Variants in TENM3 observed in about 807,000 individuals in gnomAD.
The protein encoded by TENM3 is teneurin-3.
Under a neutral mutation model 255.1 loss-of-function variants are expected in TENM3, and 63 were observed. The observed-to-expected ratio is 0.25, with a 90% CI of 0.20 to 0.30. TENM3 has a LOEUF of 0.30. Among genes scored for constraint, TENM3 ranks in the 10% least tolerant of loss-of-function variants. The pLI, the probability that TENM3 is intolerant of heterozygous loss-of-function variation, is 1.00. For missense variants in TENM3, 2,929 were observed against 3,461.1 expected, an observed-to-expected ratio of 0.85 and a Z score of 3.86; for synonymous variants, 1,306 against 1,322.3, an observed-to-expected ratio of 0.99 and a Z score of 0.27.
chr4:182,798,040 T>A (rs955965240), intron 27 of TENM3, among the ~76,000 whole-genome samples: 120 of 152,328 alleles, frequency 7.9e-4, no homozygotes, highest in African/African-American at 2.7e-3. Flanking sequence ...ATATATATTT[T>A]TTTTTAATTG....
chr4:181,593,877 G>A, the TENM3 span, among the ~76,000 whole-genome samples: 1 of 152,004 alleles, frequency 6.6e-6, no homozygotes, highest in East Asian at 1.9e-4. Context: ...TCTTATTGGT[G>A]TTAGATTAAA....
chr4:182,618,478 C>A (rs1245355414), intron 4 of TENM3, among the ~76,000 whole-genome samples: 3 of 151,924 alleles, frequency 2.0e-5, no homozygotes, highest in African/African-American at 4.8e-5. Flanking sequence ...TAGAAAAGTA[C>A]ATTTAAATTT....
intron 1 of TENM3, among the ~76,000 whole-genome samples, chr4:182,210,751 C>A (rs1754971190): frequency 6.6e-6 from 1 of 151,924 alleles, no homozygotes; most frequent in Non-Finnish European, 1.5e-5. Context: ...TTCTGCTGAT[C>A]TCCAAACTGC....
chr4:181,928,875 T>C, the TENM3 span, among the ~76,000 whole-genome samples: 1 of 152,172 alleles, frequency 6.6e-6, no homozygotes, highest in African/African-American at 2.4e-5. Flanking sequence ...GGGCCAATAT[T>C]CAACTTTCTT....
chr4:182,730,830 T>G (rs750657280), intron 15 of TENM3, 48 bp from the exon 16 acceptor site: 1 of 1,598,932 alleles, frequency 6.3e-7, no homozygotes, highest in East Asian at 2.2e-5. Context: ...GTATTGGTAG[T>G]TATGTGGGAT....
the TENM3 span, among the ~76,000 whole-genome samples, chr4:181,802,127 A>T: frequency 6.6e-6 from 1 of 152,146 alleles, no homozygotes; most frequent in African/African-American, 2.4e-5. Flanking sequence ...CTTTTCATTG[A>T]TCGCAGTTTA....
At chr4:181,860,827 C>T in the TENM3 span, among the ~76,000 whole-genome samples, 4 of 152,178 alleles carry the variant, frequency 2.6e-5, no homozygotes, top group Admixed American at 6.5e-5. Context: ...CATTTGCAGA[C>T]TTTTGGGCTG....
intron 6 of TENM3, 42 bp from the exon 7 acceptor site, chr4:182,672,963 T>A (rs1561086702): frequency 2.2e-6 from 3 of 1,378,220 alleles, no homozygotes; most frequent in African/African-American, 1.5e-5. Flanking sequence ...TTTGTTTTTT[T>A]AAAAAAAATT....
At chr4:182,796,809 G>A in intron 27 of TENM3, 42 bp downstream of exon 27, 1 of 1,532,156 alleles carries the variant, frequency 6.5e-7, no homozygotes, top group South Asian at 1.2e-5. Context: ...TAAGTAGCTT[G>A]TGTCTTATCT....
the TENM3 span, among the ~76,000 whole-genome samples, chr4:182,001,032 G>T: frequency 7.0e-6 from 1 of 143,534 alleles, no homozygotes; most frequent in African/African-American, 2.6e-5. Flanking sequence ...ATAATTCACG[G>T]AACAGAACAA....
the TENM3 span, among the ~76,000 whole-genome samples, chr4:181,667,766 G>C: frequency 2.0e-5 from 3 of 152,090 alleles, no homozygotes; most frequent in Non-Finnish European, 4.4e-5. Flanking sequence ...CTTTGTTATA[G>C]CCTCACAGAA....
Position 182,801,506 on chromosome 4 carries a change from A to G in TENM3, c.*1155A>G, listed in dbSNP as rs143737524. Reference sequence around the variant, plus strand: ...TGCAAGTCAATGGGGAGTTGTTGATATAATTAACCCCGAGGTTTTTACTGT... The same window carrying G: ...TGCAAGTCAATGGGGAGTTGTTGATGTAATTAACCCCGAGGTTTTTACTGT... On this transcript the variant is annotated 3_prime_UTR_variant, in exon 28 of 28. Coordinates refer to ENST00000511685, the MANE Select transcript of TENM3 (RefSeq NM_001080477.4). 1.3e-5 allele frequency: 2 copies of G among 152,318 alleles called. No individual in the cohort carries two copies. Among genetic ancestry groups the G allele is most frequent in the East Asian group, 3.9e-4 (2 of 5,192 alleles). The allele number at this position is 152,318 out of a possible 1,614,324, so 9.4% of individuals were successfully genotyped here.
the TENM3 span, among the ~76,000 whole-genome samples, chr4:182,052,024 G>T: frequency 6.6e-6 from 1 of 152,074 alleles, no homozygotes; most frequent in African/African-American, 2.4e-5. Context: ...TGGGGAGGGG[G>T]TATTACTGGC....
chr4:181,535,283 G>C, the TENM3 span, among the ~76,000 whole-genome samples: 5 of 152,096 alleles, frequency 3.3e-5, no homozygotes, highest in East Asian at 1.9e-4. Context: ...TAAGATTGCT[G>C]TGTCCATGTC....
At chr4:182,449,200 T>G (rs1431770785) in intron 3 of TENM3, 1 of 37,142 alleles carries the variant, frequency 2.7e-5, no homozygotes, top group Non-Finnish European at 4.7e-5. Flanking sequence ...GCGGTGGCGG[T>G]GGCGGTGGTG....
intron 12 of TENM3, among the ~76,000 whole-genome samples, chr4:182,699,210 C>T (rs11734227): frequency 0.47 from 72,245 of 152,102 alleles, 17,706 homozygotes; most frequent in East Asian, 0.79. Context: ...CACTGGAAGG[C>T]GGGCCCACTG....
intron 1 of TENM3, among the ~76,000 whole-genome samples, chr4:182,301,483 G>A (rs1761854829): frequency 6.6e-6 from 1 of 152,004 alleles, no homozygotes; most frequent in South Asian, 2.1e-4. Flanking sequence ...AGTTAATTGA[G>A]GTTAGCAAGA....
chr4:182,572,182 G>A (rs895790773), intron 3 of TENM3, among the ~76,000 whole-genome samples: 4 of 152,208 alleles, frequency 2.6e-5, no homozygotes, highest in African/African-American at 7.2e-5. Flanking sequence ...GATTACAGGC[G>A]TGAGCCACTG....
the TENM3 span, among the ~76,000 whole-genome samples, chr4:182,070,589 C>T: frequency 6.6e-6 from 1 of 152,138 alleles, no homozygotes. Context: ...TGCACTGTAG[C>T]CTGGGTGACA....
Sources: allele counts gnomAD v4.1 joint callset (sites outside exome capture counted in the v4.1 genomes callset), GRCh38; gene constraint gnomAD v4.1.1; transcripts MANE v1.5; gene names NCBI Gene and HGNC (gene_info 2026-07-23, HGNC 2026-07-21).